Variants in FOXP1 observed in about 807,000 individuals in gnomAD.
FOXP1 encodes forkhead box protein P1.
Under a neutral mutation model 98.2 loss-of-function variants are expected in FOXP1, and 15 were observed. The ratio of observed to expected loss-of-function variants is 0.15; its 90% CI spans 0.10 to 0.24. The LOEUF (loss-of-function observed/expected upper bound fraction) is 0.24. Among genes scored for constraint, FOXP1 ranks in the 10% least tolerant of loss-of-function variants. FOXP1 has a pLI of 1.00. For synonymous variants in FOXP1, 371 were observed against 314.5 expected (o/e 1.18, Z -1.90); for missense variants, 633 against 848.5 (o/e 0.75, Z 3.15).
At chr3:71,151,767 T>C (rs1194804154) in intron 6 of FOXP1, among the ~76,000 whole-genome samples, 1 of 151,710 alleles carries the variant, frequency 6.6e-6, no homozygotes, top group African/African-American at 2.4e-5. Context: ...ACTAGGCATC[T>C]TAAGTAGCCT....
chr3:71,489,869 G>C (rs7617592), intron 3 of FOXP1, among the ~76,000 whole-genome samples: 44,437 of 152,048 alleles, frequency 0.29, 6,822 homozygotes, highest in Non-Finnish European at 0.33. Context: ...TCATGGTTTC[G>C]TTTCCTTGTG....
At chr3:71,246,217 A>G (rs2067735451) in intron 5 of FOXP1, among the ~76,000 whole-genome samples, 1 of 152,124 alleles carries the variant, frequency 6.6e-6, no homozygotes, top group African/African-American at 2.4e-5. Context: ...TCCCCATGAG[A>G]TCAGCCAAAA....
At chr3:71,164,956 T>TTTC (rs1225930129) in intron 6 of FOXP1, among the ~76,000 whole-genome samples, 7 of 152,184 alleles carry the variant, frequency 4.6e-5, no homozygotes, top group Non-Finnish European at 1.0e-4. Context: ...CAACTGTTAT[T>TTTC]TTCTTCCTTA....
At chr3:71,015,337 C>A (rs1317020567) in intron 12 of FOXP1, among the ~76,000 whole-genome samples, 1 of 151,912 alleles carries the variant, frequency 6.6e-6, no homozygotes, top group Admixed American at 6.6e-5. Context: ...AAGACTTACG[C>A]CTTTGAATGT....
chr3:71,101,689 A>C (rs12638184), intron 7 of FOXP1, among the ~76,000 whole-genome samples: 55 of 151,880 alleles, frequency 3.6e-4, no homozygotes, highest in East Asian at 3.3e-3. Flanking sequence ...AAAAAAAAAA[A>C]AAAAAACACC....
intron 5 of FOXP1, among the ~76,000 whole-genome samples, chr3:71,243,171 A>G (rs943914459): frequency 6.6e-6 from 1 of 152,230 alleles, no homozygotes; most frequent in Non-Finnish European, 1.5e-5. Context: ...TATATTTCTA[A>G]AGCAGTACTC....
At chr3:71,335,299 T>A (rs2076599964) in intron 4 of FOXP1, 1 of 151,354 alleles carries the variant, frequency 6.6e-6, no homozygotes, top group Non-Finnish European at 1.5e-5. Context: ...AAAAAAAACA[T>A]AATAATGGAG....
At chr3:71,031,031 C>T (rs2046800210) in intron 11 of FOXP1, among the ~76,000 whole-genome samples, 1 of 152,146 alleles carries the variant, frequency 6.6e-6, no homozygotes, top group African/African-American at 2.4e-5. Flanking sequence ...GGAGTGTTCG[C>T]TTTTTGGATG....
chr3:71,028,155 A>T (rs1004099962), intron 11 of FOXP1, among the ~76,000 whole-genome samples: 6 of 152,202 alleles, frequency 3.9e-5, no homozygotes, highest in Admixed American at 6.5e-5. Flanking sequence ...TTTTTTTTTT[A>T]AATTTTGCTC....
intron 20 of FOXP1, among the ~76,000 whole-genome samples, chr3:70,959,776 G>A (rs1446696613): frequency 2.0e-5 from 3 of 152,098 alleles, no homozygotes; most frequent in Non-Finnish European, 2.9e-5. Flanking sequence ...AACACACGCT[G>A]CAGTCACCTG....
intron 5 of FOXP1, among the ~76,000 whole-genome samples, chr3:71,278,228 C>G (rs1560229064): frequency 6.6e-6 from 1 of 152,172 alleles, no homozygotes; most frequent in Non-Finnish European, 1.5e-5. Context: ...CAATAATTAG[C>G]TACTGTCATC....
At chr3:71,515,261 G>A (rs1192168103) in intron 2 of FOXP1, among the ~76,000 whole-genome samples, 1 of 151,808 alleles carries the variant, frequency 6.6e-6, no homozygotes, top group Non-Finnish European at 1.5e-5. Context: ...CACACAACGC[G>A]GTATGGAAAG....
At chr3:71,176,993 G>T (rs566686052) in intron 6 of FOXP1, among the ~76,000 whole-genome samples, 55 of 151,962 alleles carry the variant, frequency 3.6e-4, no homozygotes, top group Non-Finnish European at 6.6e-4. Context: ...AACCTGGGAG[G>T]CGGAGGTTGC....
intron 3 of FOXP1, among the ~76,000 whole-genome samples, chr3:71,477,431 G>A (rs2089940625): frequency 6.6e-6 from 1 of 152,194 alleles, no homozygotes; most frequent in African/African-American, 2.4e-5. Context: ...AGGTTGCCAT[G>A]ACTTAACTCA....
intron 6 of FOXP1, among the ~76,000 whole-genome samples, chr3:71,121,613 T>C (rs956801468): frequency 2.0e-5 from 3 of 151,738 alleles, no homozygotes; most frequent in Non-Finnish European, 4.4e-5. Flanking sequence ...CTCCGGCACC[T>C]GAGTTGTCTT....
chr3:71,501,581 C>A (rs990415893), intron 2 of FOXP1, among the ~76,000 whole-genome samples: 1 of 152,106 alleles, frequency 6.6e-6, no homozygotes, highest in Admixed American at 6.5e-5. Context: ...CGTGAGCCAC[C>A]GTGCCCAGCC....
intron 3 of FOXP1, among the ~76,000 whole-genome samples, chr3:71,386,750 A>AG (rs2080621186): frequency 6.6e-6 from 1 of 151,582 alleles, no homozygotes; most frequent in African/African-American, 2.4e-5. Context: ...TCAAAAAAAA[A>AG]AAAAAAAAAA....
Position 71,254,182 on chromosome 3 carries a change from TC to T in FOXP1, c.-12+45637del, listed in dbSNP as rs562689346. Among the ~76,000 whole-genome samples, 23 of 152,234 alleles carry T rather than the reference TC, an allele frequency of 1.5e-4. No homozygotes were observed. The South Asian group carries it at 3.1e-3, about 21-fold the overall frequency. On this transcript the variant is annotated intron_variant, in intron 5 of 20. Coordinates refer to ENST00000649528, the MANE Select transcript of FOXP1 (RefSeq NM_001349338.3). ...TAATAAGTTACTCTGGGTATTTTCC[TC>T]CCCCCTAACTTCCTAGTCTCACCAG...
intron 4 of FOXP1, chr3:71,332,941 G>A (rs1279236119): frequency 2.0e-5 from 3 of 152,200 alleles, no homozygotes; most frequent in African/African-American, 4.8e-5. Context: ...ACAGTATGGT[G>A]AGCCAAGTTT....
Sources: gnomAD v4.1 joint callset for allele counts (sites outside exome capture counted in the v4.1 genomes callset) on GRCh38, gnomAD v4.1.1 for gene constraint, MANE v1.5 for transcripts, NCBI Gene and HGNC (gene_info 2026-07-23, HGNC 2026-07-21) for gene names.